MS4A5: variants seen among roughly 807,000 people sequenced by gnomAD.
MS4A5 encodes membrane spanning 4-domains A5.
MS4A5 carries 15 observed loss-of-function variants against 18.2 expected under a neutral mutation model. The observed-to-expected ratio is 0.83, with a 90% CI of 0.55 to 1.27. The LOEUF (loss-of-function observed/expected upper bound fraction) is 1.27, where lower values mean the gene tolerates loss of function less well. Among genes scored for constraint, MS4A5 ranks in the 50% most tolerant of loss-of-function variants. The pLI is 0.00. For missense variants in MS4A5, 232 were observed against 225.7 expected (o/e 1.03, Z -0.18); for synonymous variants, 89 against 78.7 (o/e 1.13, Z -0.69).
At chr11:60,435,864 C>T (rs545985200) in intron 4 of MS4A5, among the ~76,000 whole-genome samples, 1 of 152,294 alleles carries the variant, frequency 6.6e-6, no homozygotes, top group Admixed American at 6.5e-5. Flanking sequence ...GAGGGGCGCC[C>T]GCCATTGCCC....
chr11:60,445,855 T>C (rs1298414736), intron 4 of MS4A5, among the ~76,000 whole-genome samples: 1 of 152,182 alleles, frequency 6.6e-6, no homozygotes, highest in Non-Finnish European at 1.5e-5. Context: ...ATTAATGAGT[T>C]ATAATTTATG....
At chr11:60,432,769 CA>C (rs71036582) in intron 3 of MS4A5, among the ~76,000 whole-genome samples, 6 of 138,176 alleles carry the variant, frequency 4.3e-5, no homozygotes, top group Non-Finnish European at 6.2e-5. Context: ...GACTCCATCT[CA>C]AAAAAAAAAA....
At chr11:60,447,101 CTA>C (rs1227262416) in intron 4 of MS4A5, among the ~76,000 whole-genome samples, 2 of 150,332 alleles carry the variant, frequency 1.3e-5, no homozygotes, top group African/African-American at 2.5e-5. Context: ...CTATGCTATG[CTA>C]TGTTAGCTAT....
chr11:60,443,073 G>A (rs561917673), intron 4 of MS4A5, among the ~76,000 whole-genome samples: 40 of 152,268 alleles, frequency 2.6e-4, no homozygotes, highest in Admixed American at 1.0e-3. Context: ...CCTGGGAGGC[G>A]GAAGTTGAAG....
At chr11:60,436,480 T>C (rs7948986) in intron 4 of MS4A5, among the ~76,000 whole-genome samples, 130,076 of 130,386 alleles carry the variant, frequency 1, 64,893 homozygotes, top group Middle Eastern at 1. Context: ...CTCTGAGCTA[T>C]GGGAGGACAT....
At chr11:60,431,444 A>G (rs1037463087) in intron 2 of MS4A5, among the ~76,000 whole-genome samples, 1 of 152,234 alleles carries the variant, frequency 6.6e-6, no homozygotes, top group Non-Finnish European at 1.5e-5. Flanking sequence ...ATCAATAAAC[A>G]TTAACTTAGG....
At chr11:60,440,498 A>C (rs1307226518) in intron 4 of MS4A5, among the ~76,000 whole-genome samples, 1 of 122,818 alleles carries the variant, frequency 8.1e-6, no homozygotes, top group Non-Finnish European at 1.8e-5. Context: ...CAAGCTACAA[A>C]ATGGGAGAAA....
rs764571797 is a variant in MS4A5 at position 60,433,955 on chromosome 11, C to A, written c.492+38C>A. On this transcript the variant is annotated intron_variant, in intron 4 of 4. Coordinates refer to ENST00000300190, the MANE Select transcript of MS4A5 (RefSeq NM_023945.3). ...CATTTATAGAGTGATGAGTAAAGGG[C>A]TTAATAGAAAATATTTATTAGCACT... 14 of 1,571,030 alleles carry A rather than the reference C, an allele frequency of 8.9e-6. No individual in the cohort carries two copies. In the African/African-American group the frequency reaches 1.6e-4, roughly 18 times the overall value.
chr11:60,441,562 A>G (rs182749580), intron 4 of MS4A5, among the ~76,000 whole-genome samples: 3 of 151,222 alleles, frequency 2.0e-5, no homozygotes, highest in Admixed American at 2.0e-4. Flanking sequence ...TGTCAGCATA[A>G]CCTACCTTCT....
rs1226389002 is a variant in MS4A5, at chr11:60,432,455, C to T, written c.327C>T (p.Thr109=). 1 of 1,587,168 alleles carries T rather than the reference C, an allele frequency of 6.3e-7. No individual in the cohort carries two copies. The highest frequency in any genetic ancestry group is 8.6e-7 in the Non-Finnish European group (1 of 1,158,656). Residue 109 remains threonine (T), a synonymous_variant, in exon 3 of 5, where the codon ACC becomes ACT. Coordinates refer to ENST00000300190, the MANE Select transcript of MS4A5 (RefSeq NM_023945.3). ...GAFLIAVKRK[T]TETLIILSRI... ...TCCTAATTGCAGTGAAAAGAAAAACCACAGAAACTCTGGTGAGTTATATTC... is the reference window on the plus strand; with the variant it reads ...TCCTAATTGCAGTGAAAAGAAAAACTACAGAAACTCTGGTGAGTTATATTC...
intron 4 of MS4A5, among the ~76,000 whole-genome samples, chr11:60,441,338 T>A (rs2086110628): frequency 8.9e-6 from 1 of 112,254 alleles, no homozygotes; most frequent in African/African-American, 3.1e-5. Flanking sequence ...AGATGACGAG[T>A]TAGTGGGTGC....
At chr11:60,443,039 G>C (rs897891767) in intron 4 of MS4A5, among the ~76,000 whole-genome samples, 1 of 152,142 alleles carries the variant, frequency 6.6e-6, no homozygotes, top group South Asian at 2.1e-4. Flanking sequence ...TACTCGGGAA[G>C]CTGAGGCAGG....
At chr11:60,429,926 T>C in intron 1 of MS4A5, 99 bp downstream of exon 1, 2 of 1,156,302 alleles carry the variant, frequency 1.7e-6, no homozygotes, top group South Asian at 1.5e-5. Flanking sequence ...CCTATTCCAA[T>C]TCTTCTTTAA....
intron 4 of MS4A5, among the ~76,000 whole-genome samples, chr11:60,437,274 A>G (rs2086085489): frequency 6.6e-6 from 1 of 150,740 alleles, no homozygotes; most frequent in Non-Finnish European, 1.5e-5. Context: ...TGAAGGAAGC[A>G]CTAAACATGG....
intron 4 of MS4A5, among the ~76,000 whole-genome samples, chr11:60,437,053 A>G (rs1201224302): frequency 7.3e-6 from 1 of 137,592 alleles, no homozygotes; most frequent in Non-Finnish European, 1.6e-5. Context: ...AGGGAAGCTC[A>G]TCAGACTAAC....
intron 4 of MS4A5, among the ~76,000 whole-genome samples, chr11:60,445,985 C>T (rs577647008): frequency 6.6e-6 from 1 of 152,214 alleles, no homozygotes; most frequent in South Asian, 2.1e-4. Flanking sequence ...ATAAACAGAC[C>T]TTTTAACCCA....
chr11:60,437,825 G>A (rs1296333162), intron 4 of MS4A5, among the ~76,000 whole-genome samples: 1 of 149,872 alleles, frequency 6.7e-6, no homozygotes, highest in African/African-American at 2.4e-5. Context: ...TTAATAATGG[G>A]AGACTTTAAC....
chr11:60,435,084 C>G (rs1457701199), intron 4 of MS4A5, among the ~76,000 whole-genome samples: 1 of 152,220 alleles, frequency 6.6e-6, no homozygotes, highest in African/African-American at 2.4e-5. Context: ...CCCCAATCCC[C>G]ACTGACCTTT....
rs760897295 is a variant in MS4A5, at chr11:60,433,834, T to G, written c.409T>G (p.Phe137Val). 1 of 1,613,972 alleles carries G rather than the reference T, an allele frequency of 6.2e-7. No homozygotes were observed. Among genetic ancestry groups the G allele is most frequent in the East Asian group, 2.2e-5 (1 of 44,880 alleles). ...AATAGCTGGAATCATTCTCCTCACA[T>G]TTGGTTTCATCCTAGATCAAAACTA... ...GAIAGIILLT[F>V]GFILDQNYIC... The change falls in exon 4 of 5, where the codon TTT becomes GTT. Residue 137 changes from phenylalanine to valine, a missense_variant. Phe to Val is a conservative substitution (Grantham distance 50, BLOSUM62 -1). Transcript: ENST00000300190.
Sources: allele counts gnomAD v4.1 joint callset (sites outside exome capture counted in the v4.1 genomes callset), GRCh38; gene constraint gnomAD v4.1.1; transcripts MANE v1.5; gene names NCBI Gene and HGNC (gene_info 2026-07-23, HGNC 2026-07-21).